The following CTTNBP2 variants were observed in gnomAD, a reference collection of about 807,000 sequenced individuals.
CTTNBP2 encodes the protein cortactin binding protein 2.
A neutral mutation model predicts 156.9 loss-of-function variants in CTTNBP2; 108 were observed. That is an observed-to-expected ratio of 0.69 (90% CI 0.59 to 0.81). The LOEUF is 0.81. Among genes scored for constraint, CTTNBP2 ranks in the 30% least tolerant of loss-of-function variants. The pLI is 0.00. For missense variants in CTTNBP2, 1,924 were observed against 2,035.4 expected (o/e 0.95, Z 1.05); for synonymous variants, 767 against 751.8 (o/e 1.02, Z -0.33).
Position 117,791,111 on chromosome 7 carries a change from C to CA in CTTNBP2, c.2068+16dup. On this transcript the variant is annotated intron_variant, in intron 4 of 22. Coordinates refer to ENST00000160373, the MANE Select transcript of CTTNBP2 (RefSeq NM_033427.3). ...GCCATATTCTTTAAAAAGCGTATAA[C>CA]ATTTCAATCCCTTTACCTGATGCTG... The CA allele has an allele frequency of 6.3e-7, 1 of 1,594,318 alleles. No individual in the cohort carries two copies. Among genetic ancestry groups the CA allele is most frequent in the Non-Finnish European group, 8.6e-7 (1 of 1,166,420 alleles).
At chr7:117,729,712 A>G (rs1013824190) in intron 16 of CTTNBP2, among the ~76,000 whole-genome samples, 1 of 152,056 alleles carries the variant, frequency 6.6e-6, no homozygotes, top group African/African-American at 2.4e-5. Context: ...AAAAATGAGG[A>G]AATTGAGCCA....
At chr7:117,794,877 C>CTT (rs755340586) in intron 3 of CTTNBP2, among the ~76,000 whole-genome samples, 4,760 of 88,358 alleles carry the variant, frequency 0.054, 1,040 homozygotes, top group African/African-American at 0.18. Flanking sequence ...ATATGTATAT[C>CTT]TTTTTTTTTT....
At chr7:117,835,868 C>G (rs770685219) in intron 2 of CTTNBP2, among the ~76,000 whole-genome samples, 1 of 152,116 alleles carries the variant, frequency 6.6e-6, no homozygotes, top group Non-Finnish European at 1.5e-5. Flanking sequence ...TGCCAAGTTG[C>G]TAACCACTCT....
At chr7:117,841,129 T>G (rs1271118557) in intron 2 of CTTNBP2, among the ~76,000 whole-genome samples, 3 of 152,206 alleles carry the variant, frequency 2.0e-5, no homozygotes, top group Non-Finnish European at 4.4e-5. Context: ...CCTAAATAAG[T>G]GAGAAGAATA....
intron 2 of CTTNBP2, among the ~76,000 whole-genome samples, chr7:117,820,268 A>C (rs760229670): frequency 2.4e-4 from 37 of 152,094 alleles, no homozygotes; most frequent in Non-Finnish European, 4.3e-4. Context: ...TCTTATTAAG[A>C]CTCCAGACAG....
At chr7:117,847,640 CTATAAAG>C (rs1181645442) in intron 2 of CTTNBP2, among the ~76,000 whole-genome samples, 1 of 152,166 alleles carries the variant, frequency 6.6e-6, no homozygotes, top group Non-Finnish European at 1.5e-5. Flanking sequence ...AGTACTTAAA[CTATAAAG>C]TATATTCATA....
At chr7:117,823,414 G>C (rs1801086579) in intron 2 of CTTNBP2, among the ~76,000 whole-genome samples, 1 of 151,916 alleles carries the variant, frequency 6.6e-6, no homozygotes, top group South Asian at 2.1e-4. Context: ...AGCTTAGAAA[G>C]GTTTATGTTT....
At chr7:117,719,135 AGC>A (rs1201464195) in intron 21 of CTTNBP2, among the ~76,000 whole-genome samples, 1 of 152,170 alleles carries the variant, frequency 6.6e-6, no homozygotes, top group African/African-American at 2.4e-5. Flanking sequence ...CGGGAGGCGG[AGC>A]TTGCAGTGAG....
Position 117,810,951 on chromosome 7 carries a change from C to T in CTTNBP2, c.228G>A (p.Gly76=). 4 of 1,614,008 alleles carry T rather than the reference C, an allele frequency of 2.5e-6. No homozygotes were observed. Among genetic ancestry groups the T allele is most frequent in the East Asian group, 2.2e-5 (1 of 44,874 alleles). ...GGAACGGGTCATTTAGATTAAATCTCCCATACCGTTCCTGGATAAATACCT... is the reference window on the plus strand; with the variant it reads ...GGAACGGGTCATTTAGATTAAATCTTCCATACCGTTCCTGGATAAATACCT... ...RKEVFIQERY[G]RFNLNDPFLA... The change falls in exon 3 of 23, where the codon GGG becomes GGA. Residue 76 remains glycine (G), a synonymous_variant. Transcript: ENST00000160373.
In CTTNBP2 at chr7:117,861,277, G is replaced by A; in HGVS notation, c.121C>T (p.Leu41=). The A allele has an allele frequency of 1.2e-6, 2 of 1,613,678 alleles. No homozygotes were observed. The highest frequency in any genetic ancestry group is 1.7e-6 in the Non-Finnish European group (2 of 1,179,866). Residue 41 remains leucine, a synonymous_variant, in exon 2 of 23, where the codon CTG becomes TTG. Coordinates refer to ENST00000160373, the MANE Select transcript of CTTNBP2 (RefSeq NM_033427.3). The part of the protein sequence containing the change: ...FDVDTLSKSE[L]RMLLSVMEGE... ...TCCATCACGCTGAGGAGCATCCGCA[G>A]CTCGGATTTACTGAGAGTATCCACA...
At chr7:117,728,674 T>A (rs1795238327) in intron 16 of CTTNBP2, among the ~76,000 whole-genome samples, 1 of 152,222 alleles carries the variant, frequency 6.6e-6, no homozygotes, top group Admixed American at 6.5e-5. Context: ...TTTTGATGTA[T>A]ACATTGTGAA....
Position 117,810,779 on chromosome 7 carries a change from T to C in CTTNBP2, c.400A>G (p.Ser134Gly). The C allele has an allele frequency of 2.5e-6, 4 of 1,613,174 alleles. No individual in the cohort carries two copies. The highest frequency in any genetic ancestry group is 3.4e-6 in the Non-Finnish European group (4 of 1,179,966). Residue 134 changes from serine (S) to glycine (G), a missense_variant, in exon 3 of 23, where the codon AGC becomes GGC. By Grantham distance (56) the Ser-to-Gly change is moderately conservative (BLOSUM62 0). Coordinates refer to ENST00000160373, the MANE Select transcript of CTTNBP2 (RefSeq NM_033427.3). ...RMSAQLAAAE[S>G]RQKKLEMEKL... ...CGCCTCAATACCTTCTTTTGTCTGC[T>C]CTCAGCAGCAGCCAGCTGTGCGGAC...
intron 3 of CTTNBP2, among the ~76,000 whole-genome samples, chr7:117,803,193 C>T (rs182510812): frequency 5.9e-5 from 9 of 152,228 alleles, no homozygotes; most frequent in Admixed American, 3.9e-4. Context: ...ATACGCCATA[C>T]GTATACACAT....
chr7:117,760,439 C>A lies in CTTNBP2; in HGVS notation c.3168G>T (p.Thr1056=), dbSNP rs140231051. ...GLSARSIRSI[T]LGNVPWSVGQ... The stretch of plus-strand genomic sequence containing the variant: ...CCGTCATAGGACTGCTGATACCTAG[C>A]GTGATGGATCGTATGCTTCTTGCAC... Residue 1056 remains threonine (T), a synonymous_variant, in exon 10 of 23, where the codon ACG becomes ACT. Transcript: ENST00000160373. The A allele has an allele frequency of 9.3e-6, 15 of 1,613,460 alleles. No homozygotes were observed. Among genetic ancestry groups the A allele is most frequent in the Non-Finnish European group, 1.2e-5 (14 of 1,179,454 alleles).
intron 3 of CTTNBP2, among the ~76,000 whole-genome samples, chr7:117,805,651 A>T (rs764910808): frequency 6.6e-6 from 1 of 152,214 alleles, no homozygotes; most frequent in Non-Finnish European, 1.5e-5. Flanking sequence ...ACCTCCTGTC[A>T]TTATCACCAT....
chr7:117,798,971 A>T (rs1466552376), intron 3 of CTTNBP2, among the ~76,000 whole-genome samples: 2 of 151,966 alleles, frequency 1.3e-5, no homozygotes, highest in East Asian at 3.8e-4. Flanking sequence ...CACTTTCAGA[A>T]ATTACACAAA....
intron 3 of CTTNBP2, among the ~76,000 whole-genome samples, chr7:117,809,346 A>AT (rs1800130692): frequency 6.6e-6 from 1 of 152,170 alleles, no homozygotes; most frequent in South Asian, 2.1e-4. Context: ...TGTTTTCTTA[A>AT]TTTTTTATAA....
chr7:117,715,476 A>T (rs950234255), intron 22 of CTTNBP2, among the ~76,000 whole-genome samples: 1 of 39,024 alleles, frequency 2.6e-5, no homozygotes, highest in Non-Finnish European at 4.3e-5. Flanking sequence ...CCCTGAAGTT[A>T]AAAAAAAAAA....
rs755600180 is a variant in CTTNBP2 at position 117,721,140 on chromosome 7, A to G, written c.4448-10T>C. The G allele has an allele frequency of 7.9e-6, 12 of 1,520,148 alleles. No homozygotes were observed. In the South Asian group the frequency reaches 1.3e-4, roughly 17 times the overall value. The allele number at this position is 1,520,148 out of a possible 1,614,324, so 94.2% of individuals were successfully genotyped here. A position where few individuals can be genotyped will look rare whatever the true frequency, so the allele number is the denominator to read the frequency against. ...GTCTTATTTTTCATACCTGTTAAAAAAGAGAACCATTTTCAATAGATCATT... is the reference window on the plus strand; with the variant it reads ...GTCTTATTTTTCATACCTGTTAAAAGAGAGAACCATTTTCAATAGATCATT... On this transcript the variant is annotated splice_polypyrimidine_tract_variant and intron_variant, in intron 19 of 22. Transcript: ENST00000160373.
Sources: allele counts gnomAD v4.1 joint callset (sites outside exome capture counted in the v4.1 genomes callset), GRCh38; gene constraint gnomAD v4.1.1; transcripts MANE v1.5; gene names NCBI Gene and HGNC (gene_info 2026-07-23, HGNC 2026-07-21).